TRAF3: variants seen among roughly 807,000 people sequenced by gnomAD.
The protein encoded by TRAF3 is TNF receptor associated factor 3.
Under a neutral mutation model 62.3 loss-of-function variants are expected in TRAF3, and 13 were observed. That is an observed-to-expected ratio of 0.21 (90% CI 0.14 to 0.33). The LOEUF (loss-of-function observed/expected upper bound fraction) is 0.33, where lower values mean the gene tolerates loss of function less well. Ranked by LOEUF, TRAF3 falls within the 10% of genes least tolerant of loss-of-function variation. The pLI, the probability that TRAF3 is intolerant of heterozygous loss-of-function variation, is 1.00. For synonymous variants in TRAF3, 269 were observed against 283.4 expected (o/e 0.95, Z 0.51); for missense variants, 440 against 741.8 (o/e 0.59, Z 4.73).
intron 2 of TRAF3, among the ~76,000 whole-genome samples, chr14:102,846,517 A>T (rs1359510160): frequency 6.6e-6 from 1 of 151,920 alleles, no homozygotes; most frequent in Non-Finnish European, 1.5e-5. Flanking sequence ...GATAAACCAT[A>T]AAAGTTAAAG....
intron 2 of TRAF3, among the ~76,000 whole-genome samples, chr14:102,856,582 A>G (rs1004383102): frequency 1.3e-5 from 2 of 152,118 alleles, no homozygotes; most frequent in African/African-American, 4.8e-5. Context: ...TATTACCTGT[A>G]TCTTGTGCCG....
chr14:102,905,037 G>C (rs112938610), intron 11 of TRAF3, among the ~76,000 whole-genome samples, 176 bp from the exon 12 acceptor site: 39 of 152,222 alleles, frequency 2.6e-4, no homozygotes, highest in African/African-American at 9.4e-4. Context: ...GCTTGAACCT[G>C]GGAGGCAGAG....
intron 8 of TRAF3, among the ~76,000 whole-genome samples, chr14:102,890,857 A>G (rs1298159911): frequency 6.6e-6 from 1 of 152,190 alleles, no homozygotes; most frequent in African/African-American, 2.4e-5. Context: ...ACTTTAGTAA[A>G]TTCTTTTGAA....
intron 1 of TRAF3, among the ~76,000 whole-genome samples, chr14:102,791,225 T>C (rs1897776076): frequency 6.6e-6 from 1 of 152,042 alleles, no homozygotes; most frequent in Non-Finnish European, 1.5e-5. Flanking sequence ...TTAACTGTGT[T>C]AGCCAGGATG....
rs765065668 is a variant in TRAF3 at position 102,891,433 on chromosome 14, T to A, written c.819+16T>A. On this transcript the variant is annotated intron_variant, in intron 9 of 11. Transcript: ENST00000392745. ...CGAAAAGAAGGTGGGCTGCACACTT[T>A]CCTGCTGCTATGGGATTTGTATCAT... The A allele has an allele frequency of 1.9e-6, 3 of 1,603,774 alleles. No homozygotes were observed. The highest frequency in any genetic ancestry group is 2.6e-6 in the Non-Finnish European group (3 of 1,175,416).
chr14:102,900,952 C>T (rs1890265895), intron 10 of TRAF3, among the ~76,000 whole-genome samples: 1 of 152,166 alleles, frequency 6.6e-6, no homozygotes, highest in Non-Finnish European at 1.5e-5. Context: ...GTAGACCGTT[C>T]TTCAAGGATG....
At position 102,903,683 on chromosome 14, in the gene TRAF3, C is replaced by A; in HGVS notation, c.1135+254C>A. 3.2e-6 allele frequency: 2 copies of A among 620,408 alleles called. No homozygotes were observed. The highest frequency in any genetic ancestry group is 5.9e-6 in the Non-Finnish European group (2 of 337,558). The allele number at this position is 620,408 out of a possible 1,614,324, so 38.4% of individuals were successfully genotyped here. ...TAGAAAGTAGGGGCAGCTGCAGCCA[C>A]GGGAAGCTGCAAAGCCCTCCTGGGA... is the stretch of plus-strand genomic sequence containing the variant. On this transcript the variant is annotated intron_variant, in intron 11 of 11. Transcript: ENST00000392745. This position sits in a 1 kb window ranked among gnomAD's most constrained non-coding sequence, Gnocchi z 6.4.
chr14:102,809,601 C>T (rs1899000983), intron 1 of TRAF3, among the ~76,000 whole-genome samples: 1 of 144,812 alleles, frequency 6.9e-6, no homozygotes, highest in African/African-American at 2.6e-5. Context: ...GGCGCAATCT[C>T]GGCTCACTGC....
At chr14:102,797,634 T>C (rs568103079) in intron 1 of TRAF3, among the ~76,000 whole-genome samples, 1 of 152,206 alleles carries the variant, frequency 6.6e-6, no homozygotes, top group Non-Finnish European at 1.5e-5. Context: ...TTGCATGGCA[T>C]ATGGAGATTA....
intron 1 of TRAF3, among the ~76,000 whole-genome samples, chr14:102,801,785 G>A (rs571120862): frequency 8.6e-5 from 13 of 151,570 alleles, no homozygotes; most frequent in African/African-American, 3.1e-4. Context: ...TTGGGAGGCC[G>A]AGGCGGGCAG....
At chr14:102,891,665 C>T (rs1239756270) in intron 9 of TRAF3, among the ~76,000 whole-genome samples, 1 of 151,580 alleles carries the variant, frequency 6.6e-6, no homozygotes, top group Non-Finnish European at 1.5e-5. Context: ...TTTTAGCATC[C>T]ATCCAGCACA....
intron 1 of TRAF3, among the ~76,000 whole-genome samples, chr14:102,801,434 A>G (rs1898404483): frequency 6.6e-6 from 1 of 152,174 alleles, no homozygotes; most frequent in Non-Finnish European, 1.5e-5. Context: ...TTGTGGTGCT[A>G]TAGATACCCA....
In TRAF3 at chr14:102,875,589, A is replaced by G. The variant is rs759256803; in HGVS notation, c.298-35A>G. ...TAGCAGCATGTGGAGATTAAGAAAT[A>G]TTAATCCTCCAAAATAATGATCTTT... On this transcript the variant is annotated intron_variant, in intron 4 of 11. Coordinates refer to ENST00000392745, the MANE Select transcript of TRAF3 (RefSeq NM_145725.3). 3.8e-6 allele frequency: 6 copies of G among 1,570,176 alleles called. No individual in the cohort carries two copies. In the African/African-American group the frequency reaches 8.1e-5, roughly 21 times the overall value.
chr14:102,857,377 T>C (rs1299503024), intron 2 of TRAF3, among the ~76,000 whole-genome samples: 2 of 152,226 alleles, frequency 1.3e-5, no homozygotes, highest in Non-Finnish European at 2.9e-5. Context: ...AGACAAATCA[T>C]GGTACAACTG....
At chr14:102,870,081 A>G in intron 2 of TRAF3, 104 bp from the exon 3 acceptor site, 1 of 1,428,260 alleles carries the variant, frequency 7.0e-7, no homozygotes. Context: ...TGTGTTGCCT[A>G]AAACTGAAAG....
At chr14:102,806,142 A>G (rs1000804475) in intron 1 of TRAF3, among the ~76,000 whole-genome samples, 1 of 152,192 alleles carries the variant, frequency 6.6e-6, no homozygotes, top group Non-Finnish European at 1.5e-5. Flanking sequence ...AACACCCTGC[A>G]GTGCTCAGCA....
intron 1 of TRAF3, among the ~76,000 whole-genome samples, chr14:102,807,542 T>G (rs1263577483): frequency 6.6e-6 from 1 of 152,242 alleles, no homozygotes; most frequent in Non-Finnish European, 1.5e-5. Context: ...GTCCTCTTGC[T>G]TTGGCCATCT....
At chr14:102,806,389 T>A (rs1898775112) in intron 1 of TRAF3, among the ~76,000 whole-genome samples, 1 of 152,212 alleles carries the variant, frequency 6.6e-6, no homozygotes, top group African/African-American at 2.4e-5. Flanking sequence ...CAAGCCAGTC[T>A]GGATAAACCC....
chr14:102,846,768 G>T (rs986307780), intron 2 of TRAF3, among the ~76,000 whole-genome samples: 4 of 151,958 alleles, frequency 2.6e-5, no homozygotes, highest in African/African-American at 9.7e-5. Context: ...GTGAGTTGTG[G>T]TTGCACCACT....
Sources: allele counts gnomAD v4.1 joint callset (sites outside exome capture counted in the v4.1 genomes callset), GRCh38; gene constraint gnomAD v4.1.1; non-coding constraint Gnocchi (gnomAD v3.1); transcripts MANE v1.5; gene names NCBI Gene and HGNC (gene_info 2026-07-23, HGNC 2026-07-21).